LRMDA: variants seen among roughly 807,000 people sequenced by gnomAD.
LRMDA encodes the protein leucine rich melanocyte differentiation associated, also known as leucine-rich melanocyte differentiation-associated protein.
Under a neutral mutation model 29.8 loss-of-function variants are expected in LRMDA, and 18 were observed. The observed-to-expected ratio is 0.60, with a 90% CI of 0.42 to 0.90. LRMDA has a LOEUF of 0.90. Ranked by LOEUF, LRMDA falls within the 40% of genes least tolerant of loss-of-function variation. LRMDA has a pLI of 0.00. For missense variants in LRMDA, 273 were observed against 273.9 expected (o/e 1.00, Z 0.02); for synonymous variants, 125 against 109.4 (o/e 1.14, Z -0.89).
intron 2 of LRMDA, among the ~76,000 whole-genome samples, chr10:75,677,197 C>G (rs1285152640): frequency 6.6e-6 from 1 of 152,140 alleles, no homozygotes. Flanking sequence ...CTTTCCTCCC[C>G]AAACTGTGTA....
chr10:76,043,028 A>C (rs919952485), intron 3 of LRMDA, among the ~76,000 whole-genome samples: 1 of 152,126 alleles, frequency 6.6e-6, no homozygotes, highest in Admixed American at 6.6e-5. Context: ...TCCTGAGATT[A>C]GGAGTTCGAG....
chr10:75,460,788 C>G lies in LRMDA; in HGVS notation c.131+22294C>G, dbSNP rs184994799. Among the ~76,000 whole-genome samples the G allele has an allele frequency of 2.0e-4, 30 of 151,998 alleles. No homozygotes were observed. The East Asian group carries it at 5.4e-3, about 27-fold the overall frequency. On this transcript the variant is annotated intron_variant, in intron 2 of 6. Coordinates refer to ENST00000611255, the MANE Select transcript of LRMDA (RefSeq NM_001305581.2). ...TGGTTTTTTAGTGATTACATAATAT[C>G]TTTTCACATAAATCTGCCATAATTT... is the stretch of plus-strand genomic sequence containing the variant.
chr10:75,911,041 C>A (rs1355438182), intron 2 of LRMDA, among the ~76,000 whole-genome samples: 1 of 151,708 alleles, frequency 6.6e-6, no homozygotes, highest in Non-Finnish European at 1.5e-5. Flanking sequence ...GTGCATTATT[C>A]TTTACTGTGT....
intron 5 of LRMDA, among the ~76,000 whole-genome samples, chr10:76,209,545 AC>A (rs1347302362): frequency 1.3e-5 from 2 of 152,176 alleles, no homozygotes; most frequent in Non-Finnish European, 2.9e-5. Context: ...CCATACAAAC[AC>A]CTGCAGAGCT....
rs147990479 is a variant in LRMDA at position 75,526,347 on chromosome 10, G to A, written c.131+87853G>A. 1.3e-3 allele frequency among the ~76,000 whole-genome samples: 199 copies of A among 151,946 alleles called. 1 individual carries two copies. The East Asian group carries it at 0.031, about 24-fold the overall frequency. ...CCCAAAGTGCTGGGATTACAGGCAC[G>A]AACTACTGTGCCCAGTTGATTTTAT... On this transcript the variant is annotated intron_variant, in intron 2 of 6. Coordinates refer to ENST00000611255, the MANE Select transcript of LRMDA (RefSeq NM_001305581.2).
At chr10:76,112,631 T>A (rs1355395554) in intron 5 of LRMDA, among the ~76,000 whole-genome samples, 2 of 152,236 alleles carry the variant, frequency 1.3e-5, no homozygotes, top group East Asian at 3.9e-4. Flanking sequence ...TGCCCTGGAT[T>A]TTCTTCTGGG....
chr10:75,917,246 G>A (rs1309224215), intron 2 of LRMDA, among the ~76,000 whole-genome samples: 1 of 152,146 alleles, frequency 6.6e-6, no homozygotes, highest in Non-Finnish European at 1.5e-5. Flanking sequence ...GTGTATGTGT[G>A]GCCTCTCCTC....
chr10:76,411,291 T>C (rs1841958574), intron 6 of LRMDA, among the ~76,000 whole-genome samples: 1 of 152,202 alleles, frequency 6.6e-6, no homozygotes, highest in Non-Finnish European at 1.5e-5. Context: ...TTCTTGAGGA[T>C]GGCTCTCCAT....
chr10:75,724,710 G>C (rs138442699), intron 2 of LRMDA, among the ~76,000 whole-genome samples: 39 of 152,186 alleles, frequency 2.6e-4, no homozygotes, highest in Non-Finnish European at 4.7e-4. Flanking sequence ...TAAGCTAAAG[G>C]GTTCTTCATA....
chr10:76,167,664 T>C (rs1422525960), intron 5 of LRMDA, among the ~76,000 whole-genome samples: 1 of 152,162 alleles, frequency 6.6e-6, no homozygotes, highest in East Asian at 1.9e-4. Context: ...AGCCCTGTAG[T>C]ATAGTTTGAA....
intron 6 of LRMDA, among the ~76,000 whole-genome samples, chr10:76,384,635 G>A (rs10824412): frequency 0.31 from 46,456 of 151,990 alleles, 10,583 homozygotes; most frequent in African/African-American, 0.63. Context: ...AGGACTTTCC[G>A]TCCCAGGAAG....
chr10:76,447,033 C>T lies in LRMDA; in HGVS notation c.602-110176C>T, dbSNP rs369273866. Among the ~76,000 whole-genome samples, 13 of 150,862 alleles carry T rather than the reference C, an allele frequency of 8.6e-5. No homozygotes were observed. The East Asian group carries it at 9.7e-4, about 11-fold the overall frequency. Reference sequence around the variant, plus strand: ...TTGTGTTCGGTATATGTTGGAGACTCCATACTACTTGATTTCTTTCTTTTT... The same window carrying T: ...TTGTGTTCGGTATATGTTGGAGACTTCATACTACTTGATTTCTTTCTTTTT... On this transcript the variant is annotated intron_variant, in intron 6 of 6. Coordinates refer to ENST00000611255, the MANE Select transcript of LRMDA (RefSeq NM_001305581.2).
intron 2 of LRMDA, among the ~76,000 whole-genome samples, chr10:75,989,797 T>C (rs1847327519): frequency 1.3e-5 from 2 of 152,326 alleles, no homozygotes; most frequent in South Asian, 4.1e-4. Context: ...AACTTGAACT[T>C]ATTTCTTCTG....
chr10:76,375,396 C>G (rs1457816669), intron 6 of LRMDA, among the ~76,000 whole-genome samples: 2 of 152,056 alleles, frequency 1.3e-5, no homozygotes, highest in African/African-American at 2.4e-5. Context: ...TTTAATAAAA[C>G]TGTCACTTAC....
intron 2 of LRMDA, among the ~76,000 whole-genome samples, chr10:75,491,713 G>A (rs1564784826): frequency 6.6e-6 from 1 of 152,084 alleles, no homozygotes; most frequent in Non-Finnish European, 1.5e-5. Flanking sequence ...AAGTTGAATG[G>A]CACTTGGTCA....
At chr10:75,921,260 T>C (rs1362636711) in intron 2 of LRMDA, among the ~76,000 whole-genome samples, 2 of 152,242 alleles carry the variant, frequency 1.3e-5, no homozygotes, top group African/African-American at 4.8e-5. Context: ...GTGTATTTAA[T>C]ACTGGGATGT....
chr10:75,771,771 G>C (rs1489417482), intron 2 of LRMDA, among the ~76,000 whole-genome samples: 1 of 152,048 alleles, frequency 6.6e-6, no homozygotes, highest in African/African-American at 2.4e-5. Context: ...AGACAGAGGT[G>C]GGGGGGTTTT....
At chr10:75,913,299 A>C (rs540484633) in intron 2 of LRMDA, among the ~76,000 whole-genome samples, 343 of 152,286 alleles carry the variant, frequency 2.3e-3, no homozygotes, top group African/African-American at 8.1e-3. Context: ...TCTACTAAAA[A>C]GACAAAAATT....
intron 6 of LRMDA, among the ~76,000 whole-genome samples, chr10:76,523,951 C>T (rs1306950630): frequency 6.6e-6 from 1 of 152,128 alleles, no homozygotes; most frequent in Non-Finnish European, 1.5e-5. Context: ...TCTTGATAGC[C>T]CATGTGGTTG....
Sources: gnomAD v4.1 joint callset for allele counts (sites outside exome capture counted in the v4.1 genomes callset) on GRCh38, gnomAD v4.1.1 for gene constraint, MANE v1.5 for transcripts, NCBI Gene and HGNC (gene_info 2026-07-23, HGNC 2026-07-21) for gene names.